Variants in NCOR1 observed in about 807,000 individuals in gnomAD.
NCOR1 encodes nuclear receptor corepressor 1, also known as protein phosphatase 1, regulatory subunit 109.
Under a neutral mutation model 288.1 loss-of-function variants are expected in NCOR1, and 63 were observed. The observed-to-expected ratio is 0.22, with a 90% CI of 0.18 to 0.27. The LOEUF (loss-of-function observed/expected upper bound fraction) is 0.27. Ranked by LOEUF, NCOR1 falls within the 10% of genes least tolerant of loss-of-function variation. NCOR1 has a pLI of 1.00. For missense variants in NCOR1, 2,397 were observed against 3,019.2 expected (o/e 0.79, Z 4.83); for synonymous variants, 1,007 against 1,065.9 (o/e 0.94, Z 1.08).
In NCOR1 at chr17:16,064,165, A is replaced by G. The variant is rs769208971; in HGVS notation, c.5124T>C (p.Ala1708=). The G allele has an allele frequency of 3.1e-5, 50 of 1,614,042 alleles. 1 individual carries two copies. In the South Asian group the frequency reaches 5.4e-4, roughly 17 times the overall value. Residue 1708 remains alanine (A), a synonymous_variant, in exon 35 of 46, where the codon GCT becomes GCC. Transcript: ENST00000268712. ...MSPGHPTHLA[A]AASAERERER... ...CCCGTTCCCTCTCAGCACTTGCAGC[A>G]GCTGCAAGGTGTGTTGGGTGTCCTG...
At chr17:16,079,644 C>A (rs2063090517) in intron 26 of NCOR1, among the ~76,000 whole-genome samples, 1 of 152,188 alleles carries the variant, frequency 6.6e-6, no homozygotes, top group Admixed American at 6.5e-5. Context: ...TGATTTTCTT[C>A]TCAATTTCTA....
rs377590205 is a variant in NCOR1, at chr17:16,064,087, G to A, written c.5202C>T (p.Ser1734=). Residue 1734 remains serine, a synonymous_variant, in exon 35 of 46, where the codon TCC becomes TCT. Transcript: ENST00000268712. ...RERERIAAAS[S]DLYLRPGSEQ... ...ACTGACCTGGCCGCAGGTAGAGGTC[G>A]GAGGAAGCTGCAGCAATCCGTTCCC... 29 of 1,614,052 alleles carry A rather than the reference G, an allele frequency of 1.8e-5. No individual in the cohort carries two copies. The East Asian group carries it at 3.8e-4, about 21-fold the overall frequency.
At position 16,029,175 on chromosome 17, in the gene NCOR1, A is replaced by G. The variant is rs1458868316; in HGVS notation, c.*3121T>C. On this transcript the variant is annotated 3_prime_UTR_variant, in exon 46 of 46. Transcript: ENST00000268712. ...TGAAAGGTTTTTCATTCCAAGTTTT[A>G]TTTATTTATTAATTTTAAATCATCC... 2.2e-6 allele frequency: 1 copy of G among 453,096 alleles called. No homozygotes were observed. The highest frequency in any genetic ancestry group is 2.0e-5 in the African/African-American group (1 of 50,028). The allele number at this position is 453,096 out of a possible 1,614,324, so 28.1% of individuals were successfully genotyped here.
chr17:16,190,866 A>G (rs2088098779), intron 2 of NCOR1, among the ~76,000 whole-genome samples: 1 of 152,206 alleles, frequency 6.6e-6, no homozygotes, highest in Non-Finnish European at 1.5e-5. Flanking sequence ...GAGAGAAATG[A>G]AGCAAATGAG....
At chr17:16,085,043 A>G (rs2064002833) in intron 23 of NCOR1, among the ~76,000 whole-genome samples, 1 of 152,244 alleles carries the variant, frequency 6.6e-6, no homozygotes, top group African/African-American at 2.4e-5. Context: ...TGTAATACAT[A>G]TATCTAACAG....
At chr17:16,171,235 C>T (rs1221480696) in intron 4 of NCOR1, among the ~76,000 whole-genome samples, 1 of 152,068 alleles carries the variant, frequency 6.6e-6, no homozygotes, top group Non-Finnish European at 1.5e-5. Context: ...TTTTATTCCA[C>T]AATAAAACTG....
chr17:16,079,892 C>T (rs967461851), intron 26 of NCOR1, 72 bp downstream of exon 26: 12 of 1,331,216 alleles, frequency 9.0e-6, no homozygotes, highest in Middle Eastern at 2.1e-4. Flanking sequence ...ACAAAATAGC[C>T]AAAGTGCTAA....
intron 44 of NCOR1, 194 bp downstream of exon 44, chr17:16,039,239 C>G (rs1464231573): frequency 8.4e-6 from 5 of 592,946 alleles, no homozygotes; most frequent in Admixed American, 6.1e-5. Flanking sequence ...AAATTTTCTT[C>G]CATTTTATTT....
At chr17:16,054,549 G>A (rs2059697505) in intron 40 of NCOR1, among the ~76,000 whole-genome samples, 1 of 151,864 alleles carries the variant, frequency 6.6e-6, no homozygotes, top group South Asian at 2.1e-4. Context: ...GTGGGCAAAT[G>A]ACATGAACAG....
chr17:16,203,618 CATTTT>C (rs1231793352), intron 1 of NCOR1, among the ~76,000 whole-genome samples: 4 of 152,282 alleles, frequency 2.6e-5, no homozygotes, highest in African/African-American at 7.2e-5. Flanking sequence ...TTACGTACTT[CATTTT>C]ATTTAAGTAT....
intron 19 of NCOR1, among the ~76,000 whole-genome samples, chr17:16,107,280 A>AC (rs1434056009): frequency 6.6e-6 from 1 of 151,628 alleles, no homozygotes; most frequent in Non-Finnish European, 1.5e-5. Flanking sequence ...TTGGAGCCCT[A>AC]CCCCCCAATG....
chr17:16,204,123 CAAAAT>C (rs1193521599), intron 1 of NCOR1, among the ~76,000 whole-genome samples: 1 of 151,954 alleles, frequency 6.6e-6, no homozygotes, highest in East Asian at 1.9e-4. Context: ...AATAAGAGAT[CAAAAT>C]AAAATAATAC....
chr17:16,045,327 C>A (rs1014851789), intron 42 of NCOR1, among the ~76,000 whole-genome samples: 1 of 152,068 alleles, frequency 6.6e-6, no homozygotes, highest in Non-Finnish European at 1.5e-5. Context: ...AGATATGTAA[C>A]CTGTGCCAAC....
At chr17:16,075,502 T>C in intron 27 of NCOR1, 32 bp downstream of exon 27, 1 of 1,603,598 alleles carries the variant, frequency 6.2e-7, no homozygotes, top group Non-Finnish European at 8.5e-7. Flanking sequence ...CATATTGTAA[T>C]ACTGGCTTTG....
At chr17:16,094,810 A>T (rs2066065920) in intron 21 of NCOR1, among the ~76,000 whole-genome samples, 1 of 151,966 alleles carries the variant, frequency 6.6e-6, no homozygotes, top group Non-Finnish European at 1.5e-5. Flanking sequence ...CGAGTGATCC[A>T]CCAGCCTCGG....
intron 23 of NCOR1, among the ~76,000 whole-genome samples, chr17:16,081,220 T>C (rs2152822177): frequency 6.7e-6 from 1 of 149,496 alleles, no homozygotes; most frequent in Admixed American, 6.6e-5. Context: ...TTTTGTTTTT[T>C]TTTTTGAGAC....
At chr17:16,092,204 G>A in intron 21 of NCOR1, 146 bp from the exon 22 acceptor site, 1 of 1,074,082 alleles carries the variant, frequency 9.3e-7, no homozygotes, top group Non-Finnish European at 1.3e-6. Flanking sequence ...CAAGAATAAT[G>A]CTTAAGGCAT....
At chr17:16,180,996 TA>T (rs2085287867) in intron 3 of NCOR1, among the ~76,000 whole-genome samples, 1 of 152,030 alleles carries the variant, frequency 6.6e-6, no homozygotes, top group East Asian at 1.9e-4. Context: ...CTGTCTCTAC[TA>T]AAAATACAAA....
chr17:16,084,720 G>C (rs751943888), intron 23 of NCOR1, among the ~76,000 whole-genome samples: 1 of 152,122 alleles, frequency 6.6e-6, no homozygotes, highest in Non-Finnish European at 1.5e-5. Context: ...ATGAGTAAAA[G>C]ACGTTTCAAC....
Sources: gnomAD v4.1 joint callset for allele counts (sites outside exome capture counted in the v4.1 genomes callset) on GRCh38, gnomAD v4.1.1 for gene constraint, MANE v1.5 for transcripts, NCBI Gene and HGNC (gene_info 2026-07-23, HGNC 2026-07-21) for gene names.